DCAF8L2: variants seen among roughly 807,000 people sequenced by gnomAD.
DCAF8L2 encodes DDB1- and CUL4-associated factor 8-like protein 2.
For synonymous variants in DCAF8L2, 200 were observed against 190.9 expected, an observed-to-expected ratio of 1.05 and a Z score of -0.39; for missense variants, 430 against 490.7, an observed-to-expected ratio of 0.88 and a Z score of 1.17.
At chrX:27,705,029 T>C (rs758342401) in intron 3 of DCAF8L2, among the ~76,000 whole-genome samples, 9 of 110,618 alleles carry the variant, frequency 8.1e-5, no homozygotes, top group Non-Finnish European at 1.3e-4. Context: ...GTTCTCATCA[T>C]TTTGGCTTCC....
chrX:27,611,205 C>T (rs1416110722), intron 1 of DCAF8L2, among the ~76,000 whole-genome samples: 8 of 111,064 alleles, frequency 7.2e-5, no homozygotes, highest in Non-Finnish European at 1.3e-4. Context: ...GGATATAAAT[C>T]TAAGGAATAT....
chrX:27,479,554 A>G, the DCAF8L2 span, among the ~76,000 whole-genome samples: 6,905 of 111,918 alleles, frequency 0.062, 526 homozygotes, highest in African/African-American at 0.21. Flanking sequence ...TAAATTTATC[A>G]AAGCTCAGTG....
intron 4 of DCAF8L2, among the ~76,000 whole-genome samples, chrX:27,742,372 C>A (rs974124060): frequency 3.6e-5 from 4 of 110,459 alleles, no homozygotes; most frequent in African/African-American, 1.3e-4. Flanking sequence ...AGTTTGAGAC[C>A]AGCCTGGCCA....
At chrX:27,582,687 CATT>C in the DCAF8L2 span, among the ~76,000 whole-genome samples, 1 of 111,261 alleles carries the variant, frequency 9.0e-6, no homozygotes, top group South Asian at 3.8e-4. Flanking sequence ...TTTTGAATCC[CATT>C]ATTTTTCACC....
intron 3 of DCAF8L2, among the ~76,000 whole-genome samples, chrX:27,680,070 A>T (rs1329025254): frequency 9.0e-6 from 1 of 111,652 alleles, no homozygotes; most frequent in Non-Finnish European, 1.9e-5. Flanking sequence ...CTATCTCTCT[A>T]TCCATCCCTG....
At chrX:27,497,813 C>T in the DCAF8L2 span, among the ~76,000 whole-genome samples, 12 of 111,510 alleles carry the variant, frequency 1.1e-4, no homozygotes, top group African/African-American at 2.0e-4. Flanking sequence ...GTGATCTGCC[C>T]GCCTCGGCCT....
At chrX:27,732,275 C>T (rs995410024) in intron 4 of DCAF8L2, among the ~76,000 whole-genome samples, 1 of 110,966 alleles carries the variant, frequency 9.0e-6, no homozygotes, top group Non-Finnish European at 1.9e-5. Context: ...CCTACATTTC[C>T]CCACTTCCTT....
At chrX:27,512,450 G>A in the DCAF8L2 span, among the ~76,000 whole-genome samples, 2 of 109,679 alleles carry the variant, frequency 1.8e-5, no homozygotes, top group African/African-American at 3.3e-5. Flanking sequence ...TTGGGGGGCC[G>A]AGTCCAGTGG....
At chrX:27,681,225 A>G (rs1930316186) in intron 3 of DCAF8L2, among the ~76,000 whole-genome samples, 2 of 111,406 alleles carry the variant, frequency 1.8e-5, no homozygotes, top group Middle Eastern at 4.6e-3. Flanking sequence ...ACACACACAC[A>G]AACACACACC....
chrX:27,619,399 G>T (rs1927641819), intron 1 of DCAF8L2, among the ~76,000 whole-genome samples: 1 of 110,739 alleles, frequency 9.0e-6, no homozygotes, highest in Non-Finnish European at 1.9e-5. Context: ...AGGAGAGAGA[G>T]AAAGAGAGAG....
the DCAF8L2 span, among the ~76,000 whole-genome samples, chrX:27,573,997 T>C: frequency 3.6e-5 from 4 of 110,132 alleles, no homozygotes; most frequent in Non-Finnish European, 7.6e-5. Context: ...GCCAGGCTAA[T>C]TTTTAAAATT....
chrX:27,481,446 C>G, the DCAF8L2 span, among the ~76,000 whole-genome samples: 1 of 110,732 alleles, frequency 9.0e-6, no homozygotes, highest in African/African-American at 3.3e-5. Flanking sequence ...AATAGGAAGC[C>G]TTTCATGGAT....
intron 1 of DCAF8L2, among the ~76,000 whole-genome samples, chrX:27,591,003 A>ATATATATATATATATATATATAT (rs1221009748): frequency 1.0e-5 from 1 of 95,650 alleles, no homozygotes; most frequent in Non-Finnish European, 2.1e-5. Context: ...ATATATATAT[A>ATATATATATATATATATATATAT]TATATATATA....
intron 2 of DCAF8L2, among the ~76,000 whole-genome samples, chrX:27,670,804 C>CCTCCTCCTGT (rs1929926728): frequency 9.0e-6 from 1 of 110,992 alleles, no homozygotes; most frequent in African/African-American, 3.3e-5. Flanking sequence ...AAGAGCCTGA[C>CCTCCTCCTGT]CTCCTCCTGT....
the DCAF8L2 span, among the ~76,000 whole-genome samples, chrX:27,520,124 G>T: frequency 1.8e-5 from 2 of 111,334 alleles, no homozygotes; most frequent in Non-Finnish European, 3.8e-5. Context: ...CAATCAAATT[G>T]ACCATTATTT....
the DCAF8L2 span, among the ~76,000 whole-genome samples, chrX:27,481,516 G>T: frequency 5.4e-5 from 6 of 111,436 alleles, no homozygotes; most frequent in African/African-American, 2.0e-4. Context: ...TTTAACATGT[G>T]GAAAATGAGC....
chrX:27,565,368 A>T, the DCAF8L2 span, among the ~76,000 whole-genome samples: 1 of 110,938 alleles, frequency 9.0e-6, no homozygotes, highest in Non-Finnish European at 1.9e-5. Context: ...TGCTTTGTGT[A>T]TATATATTGA....
At chrX:27,580,048 TA>T in the DCAF8L2 span, among the ~76,000 whole-genome samples, 2 of 110,762 alleles carry the variant, frequency 1.8e-5, no homozygotes, top group Non-Finnish European at 3.8e-5. Flanking sequence ...ATATGCTAAC[TA>T]TAGTTTGTTA....
chrX:27,729,602 T>C (rs1337023428), intron 4 of DCAF8L2, among the ~76,000 whole-genome samples: 1 of 112,140 alleles, frequency 8.9e-6, no homozygotes, highest in Non-Finnish European at 1.9e-5. Flanking sequence ...GTAGATTCAG[T>C]GTCTGGTAAG....
Sources: allele counts gnomAD v4.1 joint callset (sites outside exome capture counted in the v4.1 genomes callset), GRCh38; gene constraint gnomAD v4.1.1; transcripts MANE v1.5; gene names NCBI Gene and HGNC (gene_info 2026-07-23, HGNC 2026-07-21).